FGF14: variants seen among roughly 807,000 people sequenced by gnomAD.
FGF14 encodes the protein fibroblast growth factor 14.
In FGF14, 5 loss-of-function variants were observed where a neutral mutation model predicts 25.5. The ratio of observed to expected loss-of-function variants is 0.20; its 90% CI spans 0.10 to 0.41. The LOEUF is 0.41. FGF14 is among the 10% of genes least tolerant of loss of function. The pLI is 1.00. For synonymous variants in FGF14, 138 were observed against 118.3 expected (o/e 1.17, Z -1.08); for missense variants, 222 against 320.1 (o/e 0.69, Z 2.34).
intron 3 of FGF14, among the ~76,000 whole-genome samples, chr13:101,765,663 G>A (rs149894167): frequency 1.6e-3 from 237 of 152,036 alleles, no homozygotes; most frequent in African/African-American, 5.4e-3. Flanking sequence ...GAATCAATAT[G>A]TGAAACAAAT....
chr13:101,937,076 CAGCATCCCCA>C (rs1215487707), intron 1 of FGF14, among the ~76,000 whole-genome samples: 2 of 152,188 alleles, frequency 1.3e-5, no homozygotes, highest in African/African-American at 4.8e-5. Context: ...TAATTTGTCA[CAGCATCCCCA>C]AGCCTGCCTC....
intron 1 of FGF14, among the ~76,000 whole-genome samples, chr13:102,338,207 T>C (rs114253491): frequency 0.019 from 2,903 of 152,280 alleles, 97 homozygotes; most frequent in African/African-American, 0.065. Context: ...ATCTATTACA[T>C]GATTACCCAT....
chr13:102,320,936 T>A (rs1029416022), intron 1 of FGF14, among the ~76,000 whole-genome samples: 1 of 152,160 alleles, frequency 6.6e-6, no homozygotes, highest in Non-Finnish European at 1.5e-5. Context: ...AGACTCCCAA[T>A]AGGACCAGTA....
chr13:102,094,182 A>G (rs1171868020), intron 1 of FGF14, among the ~76,000 whole-genome samples: 1 of 151,934 alleles, frequency 6.6e-6, no homozygotes, highest in East Asian at 1.9e-4. Context: ...TTGAAAATGC[A>G]GCTTTTATGT....
At chr13:101,756,815 A>G (rs1438626962) in intron 3 of FGF14, among the ~76,000 whole-genome samples, 1 of 152,178 alleles carries the variant, frequency 6.6e-6, no homozygotes, top group Non-Finnish European at 1.5e-5. Context: ...TTGAATCTAC[A>G]TATTTTCATA....
chr13:102,260,650 C>CA (rs2052674246), intron 1 of FGF14, among the ~76,000 whole-genome samples: 1 of 152,252 alleles, frequency 6.6e-6, no homozygotes, highest in South Asian at 2.1e-4. Flanking sequence ...TGCCAAGAGG[C>CA]AAAACGGGCA....
At chr13:102,055,703 G>T (rs1314659152) in intron 1 of FGF14, among the ~76,000 whole-genome samples, 1 of 152,148 alleles carries the variant, frequency 6.6e-6, no homozygotes, top group Non-Finnish European at 1.5e-5. Context: ...AACACAGGGG[G>T]TGGCAAACCA....
At chr13:102,268,487 T>C (rs966387081) in intron 1 of FGF14, among the ~76,000 whole-genome samples, 1 of 152,048 alleles carries the variant, frequency 6.6e-6, no homozygotes. Context: ...TATAATACAT[T>C]ATATACATAT....
intron 1 of FGF14, among the ~76,000 whole-genome samples, chr13:102,378,583 T>TTA (rs1444443885): frequency 1.4e-5 from 2 of 147,690 alleles, no homozygotes; most frequent in African/African-American, 5.0e-5. Flanking sequence ...ATTAAGTATG[T>TTA]TATATATATC....
At chr13:102,020,781 G>A (rs943485887) in intron 1 of FGF14, among the ~76,000 whole-genome samples, 1 of 151,972 alleles carries the variant, frequency 6.6e-6, no homozygotes, top group African/African-American at 2.4e-5. Flanking sequence ...TGAACAACTA[G>A]GTCACTACAC....
intron 1 of FGF14, among the ~76,000 whole-genome samples, chr13:102,241,097 G>A (rs1364656069): frequency 6.6e-6 from 1 of 152,010 alleles, no homozygotes; most frequent in African/African-American, 2.4e-5. Context: ...AAAAGAATTC[G>A]AGTCTTTATA....
intron 1 of FGF14, among the ~76,000 whole-genome samples, chr13:102,186,918 A>C (rs1316261462): frequency 6.6e-6 from 1 of 152,206 alleles, no homozygotes; most frequent in African/African-American, 2.4e-5. Flanking sequence ...CATAAGTTAC[A>C]TACACAGCAC....
Position 102,286,264 on chromosome 13 carries a change from C to T in FGF14, c.208+115207G>A, listed in dbSNP as rs77997736. On this transcript the variant is annotated intron_variant, in intron 1 of 4. Transcript: ENST00000376131. Reference sequence around the variant, plus strand: ...CAACTTCCCTGACCACGTTCTCCCCCGCCCACCAGTCTGCCCCCTCCCGCT... The same window carrying T: ...CAACTTCCCTGACCACGTTCTCCCCTGCCCACCAGTCTGCCCCCTCCCGCT... 8.9e-3 allele frequency among the ~76,000 whole-genome samples: 1,346 copies of T among 152,066 alleles called. 11 individuals are homozygous for T. Among genetic ancestry groups the T allele is most frequent in the African/African-American group, 0.031 (1,275 of 41,472 alleles).
intron 1 of FGF14, among the ~76,000 whole-genome samples, chr13:102,137,095 G>T: frequency 6.6e-6 from 1 of 152,146 alleles, no homozygotes; most frequent in Non-Finnish European, 1.5e-5. Context: ...TGGTGTGGTT[G>T]CTTCATTATG....
At chr13:101,894,779 A>G (rs2030371966) in intron 1 of FGF14, among the ~76,000 whole-genome samples, 1 of 152,190 alleles carries the variant, frequency 6.6e-6, no homozygotes, top group African/African-American at 2.4e-5. Flanking sequence ...GGAGAAATCT[A>G]CTTAGTAGCA....
At chr13:102,105,654 T>G (rs1334321792) in intron 1 of FGF14, among the ~76,000 whole-genome samples, 1 of 152,240 alleles carries the variant, frequency 6.6e-6, no homozygotes, top group Non-Finnish European at 1.5e-5. Flanking sequence ...ACTGTTTCAT[T>G]TATTTTGTTA....
In FGF14 at chr13:101,713,792, A is replaced by C. The variant is rs551573961; in HGVS notation, c.*9039T>G. On this transcript the variant is annotated 3_prime_UTR_variant, in exon 5 of 5. Coordinates refer to ENST00000376143, the MANE Select transcript of FGF14 (RefSeq NM_004115.4). ...AGAAATGGGTGAAGTGGAGGGAAAA[A>C]GAGTTGAATCCAGAGCCTCATAAAA... 6.6e-6 allele frequency: 1 copy of C among 152,240 alleles called. No individual in the cohort carries two copies. Among genetic ancestry groups the C allele is most frequent in the African/African-American group, 2.4e-5 (1 of 41,544 alleles). 9.4% of individuals were successfully genotyped at this position (152,240 alleles called of 1,614,324 possible). A position where few individuals can be genotyped will look rare whatever the true frequency, so the allele number is the denominator to read the frequency against.
chr13:101,991,620 C>T (rs1360507939), intron 1 of FGF14, among the ~76,000 whole-genome samples: 1 of 152,102 alleles, frequency 6.6e-6, no homozygotes, highest in African/African-American at 2.4e-5. Context: ...ATAGGAACAA[C>T]TGCTTTTCCC....
chr13:102,246,286 G>A (rs866484688), intron 1 of FGF14, among the ~76,000 whole-genome samples: 1 of 151,984 alleles, frequency 6.6e-6, no homozygotes, highest in Admixed American at 6.6e-5. Context: ...TACACCCCTT[G>A]GCAGTCATTA....
Sources: allele counts gnomAD v4.1 joint callset (sites outside exome capture counted in the v4.1 genomes callset), GRCh38; gene constraint gnomAD v4.1.1; transcripts MANE v1.5; gene names NCBI Gene and HGNC (gene_info 2026-07-23, HGNC 2026-07-21).